Variants in RARB observed in about 807,000 individuals in gnomAD.
The protein encoded by RARB is HBV-activated protein.
RARB carries 17 observed loss-of-function variants against 51.9 expected under a neutral mutation model. That is an observed-to-expected ratio of 0.33 (90% CI 0.22 to 0.49). RARB has a LOEUF of 0.49. Ranked by LOEUF, RARB falls within the 20% of genes least tolerant of loss-of-function variation. The pLI, the probability that RARB is intolerant of heterozygous loss-of-function variation, is 0.99. For synonymous variants in RARB, 215 were observed against 195.4 expected (o/e 1.10, Z -0.84); for missense variants, 369 against 550.8 (o/e 0.67, Z 3.30).
chr3:25,192,024 C>T (rs1701115995), intron 5 of RARB, among the ~76,000 whole-genome samples: 1 of 152,050 alleles, frequency 6.6e-6, no homozygotes, highest in African/African-American at 2.4e-5. Context: ...CTTATTTAAA[C>T]AGCTTTGCAA....
chr3:25,111,952 C>T (rs1699610108), intron 3 of RARB, among the ~76,000 whole-genome samples: 1 of 152,042 alleles, frequency 6.6e-6, no homozygotes, highest in Admixed American at 6.6e-5. Context: ...TGAAGACATG[C>T]TTTGGAATGC....
intron 2 of RARB, among the ~76,000 whole-genome samples, chr3:24,871,759 C>A (rs1205189130): frequency 6.6e-6 from 1 of 152,192 alleles, no homozygotes; most frequent in Non-Finnish European, 1.5e-5. Flanking sequence ...CAGACCTGCA[C>A]CATGTATGGC....
intron 1 of RARB, among the ~76,000 whole-genome samples, chr3:24,844,150 G>A (rs994532175): frequency 2.0e-5 from 3 of 152,220 alleles, no homozygotes; most frequent in Non-Finnish European, 4.4e-5. Flanking sequence ...ATGTGCTTGA[G>A]GTCTTTGCCA....
At chr3:24,902,989 CAAG>C (rs1443110625) in intron 2 of RARB, among the ~76,000 whole-genome samples, 2 of 151,984 alleles carry the variant, frequency 1.3e-5, no homozygotes, top group African/African-American at 4.8e-5. Flanking sequence ...TTGAGAGAAA[CAAG>C]ACGCCTCTAA....
chr3:24,981,117 G>T (rs1399069253), intron 2 of RARB, among the ~76,000 whole-genome samples: 4 of 152,170 alleles, frequency 2.6e-5, no homozygotes, highest in African/African-American at 7.2e-5. Context: ...AGCAAATATT[G>T]CTGCCTGATC....
intron 2 of RARB, among the ~76,000 whole-genome samples, chr3:25,006,055 C>T (rs573716332): frequency 3.3e-5 from 5 of 152,114 alleles, no homozygotes; most frequent in Non-Finnish European, 5.9e-5. Flanking sequence ...CTGAACTGTC[C>T]TTCACCAGAC....
chr3:24,845,817 A>C (rs1165705942), intron 1 of RARB, among the ~76,000 whole-genome samples: 1 of 152,158 alleles, frequency 6.6e-6, no homozygotes, highest in African/African-American at 2.4e-5. Context: ...AACAGTTGCC[A>C]GCAATTAATC....
At chr3:25,512,684 C>T (rs902450039) in intron 3 of RARB, among the ~76,000 whole-genome samples, 5 of 152,196 alleles carry the variant, frequency 3.3e-5, no homozygotes, top group African/African-American at 9.6e-5. Flanking sequence ...AGCAGGCATG[C>T]GCACATACAC....
At chr3:25,419,797 C>T (rs1270507916) in intron 5 of RARB, among the ~76,000 whole-genome samples, 2 of 152,196 alleles carry the variant, frequency 1.3e-5, no homozygotes, top group Non-Finnish European at 2.9e-5. Flanking sequence ...TCTGTCTATT[C>T]TTTCCCTTTC....
At chr3:25,014,151 G>GT (rs1395094571) in intron 2 of RARB, among the ~76,000 whole-genome samples, 1 of 152,060 alleles carries the variant, frequency 6.6e-6, no homozygotes, top group Non-Finnish European at 1.5e-5. Flanking sequence ...TGTGGCATAT[G>GT]TTTTTTCCCC....
intron 2 of RARB, among the ~76,000 whole-genome samples, chr3:24,964,582 C>T (rs1015451960): frequency 6.6e-5 from 10 of 152,274 alleles, no homozygotes; most frequent in South Asian, 4.1e-4. Flanking sequence ...TTATTGTGAA[C>T]ATGTACAGGC....
intron 5 of RARB, among the ~76,000 whole-genome samples, chr3:25,586,100 G>C (rs1000950182): frequency 2.6e-5 from 4 of 152,076 alleles, no homozygotes; most frequent in African/African-American, 9.7e-5. Flanking sequence ...ATCACCTCGT[G>C]GCACTGCCTC....
At chr3:25,269,413 C>T (rs966315456) in intron 5 of RARB, among the ~76,000 whole-genome samples, 1 of 152,166 alleles carries the variant, frequency 6.6e-6, no homozygotes. Context: ...ACTCTGGAGT[C>T]CAACTACCTG....
chr3:24,892,438 T>C (rs1002369975), intron 2 of RARB, among the ~76,000 whole-genome samples: 1 of 152,146 alleles, frequency 6.6e-6, no homozygotes, highest in Non-Finnish European at 1.5e-5. Flanking sequence ...ATAGAACTTA[T>C]GAAGGTGGCC....
chr3:24,858,457 C>T (rs192354493), intron 1 of RARB, among the ~76,000 whole-genome samples: 27 of 152,192 alleles, frequency 1.8e-4, no homozygotes, highest in Admixed American at 1.6e-3. Flanking sequence ...CGTGTGATTC[C>T]CTCCTTGTGA....
chr3:25,305,761 A>G (rs1314098663), intron 5 of RARB, among the ~76,000 whole-genome samples: 1 of 152,226 alleles, frequency 6.6e-6, no homozygotes, highest in Non-Finnish European at 1.5e-5. Context: ...AAATTTCTTC[A>G]AAAAGGGCAA....
chr3:25,481,942 C>A (rs1406909648), intron 2 of RARB, among the ~76,000 whole-genome samples: 3 of 152,054 alleles, frequency 2.0e-5, no homozygotes, highest in South Asian at 4.1e-4. Flanking sequence ...TAGTACTATC[C>A]CCATTTAAAA....
intron 3 of RARB, among the ~76,000 whole-genome samples, chr3:25,111,664 C>T (rs1033649926): frequency 7.4e-5 from 11 of 149,614 alleles, no homozygotes; most frequent in Middle Eastern, 3.4e-3. Context: ...CTGCAACCTC[C>T]GCCTCCTGGG....
chr3:24,905,083 T>G (rs1694826880), intron 2 of RARB, among the ~76,000 whole-genome samples: 1 of 152,154 alleles, frequency 6.6e-6, no homozygotes, highest in Non-Finnish European at 1.5e-5. Context: ...CATGTATACC[T>G]ATGTAACAAA....
Sources: gnomAD v4.1 joint callset for allele counts (sites outside exome capture counted in the v4.1 genomes callset) on GRCh38, gnomAD v4.1.1 for gene constraint, MANE v1.5 for transcripts, NCBI Gene and HGNC (gene_info 2026-07-23, HGNC 2026-07-21) for gene names.